ABCD3: variants seen among roughly 807,000 people sequenced by gnomAD.
ABCD3 encodes the protein ATP binding cassette subfamily D member 3, also known as ATP-binding cassette sub-family D member 3.
Under a neutral mutation model 105.5 loss-of-function variants are expected in ABCD3, and 41 were observed. The observed-to-expected ratio is 0.39, with a 90% CI of 0.30 to 0.50. The LOEUF is 0.50. Ranked by LOEUF, ABCD3 falls within the 20% of genes least tolerant of loss-of-function variation. The pLI, the probability that ABCD3 is intolerant of heterozygous loss-of-function variation, is 0.84. For synonymous variants in ABCD3, 258 were observed against 269.0 expected (o/e 0.96, Z 0.40); for missense variants, 622 against 806.3 (o/e 0.77, Z 2.77).
chr1:94,449,148 A>G lies in ABCD3; in HGVS notation c.111-9459A>G, dbSNP rs183009174. Reference sequence around the variant, plus strand: ...CGAATCAACAGCTGATTTGGATACCATTAAGACACCTGAAACCTTATTATG... The same window carrying G: ...CGAATCAACAGCTGATTTGGATACCGTTAAGACACCTGAAACCTTATTATG... On this transcript the variant is annotated intron_variant, in intron 1 of 22. Coordinates refer to ENST00000370214, the MANE Select transcript of ABCD3 (RefSeq NM_002858.4). 8.7e-4 allele frequency among the ~76,000 whole-genome samples: 132 copies of G among 152,366 alleles called. No homozygotes were observed. In the Middle Eastern group the frequency reaches 0.01, roughly 12 times the overall value.
chr1:94,487,772 C>A lies in ABCD3; in HGVS notation c.1046C>A (p.Thr349Lys). 1 of 1,613,890 alleles carries A rather than the reference C, an allele frequency of 6.2e-7. No homozygotes were observed. The change falls in exon 12 of 23, where the codon ACA becomes AAA. Residue 349 changes from threonine to lysine, a missense_variant. Coordinates refer to ENST00000370214, the MANE Select transcript of ABCD3 (RefSeq NM_002858.4). ...DLSHPRHLKS[T>K]HSELLEDYYQ... ...TCTCATCCTCGACATCTCAAGAGTA[C>A]ACATTCGGAACTTCTAGAGGTAAAC...
chr1:94,451,917 A>C (rs1182427964), intron 1 of ABCD3, among the ~76,000 whole-genome samples: 1 of 152,086 alleles, frequency 6.6e-6, no homozygotes, highest in Non-Finnish European at 1.5e-5. Flanking sequence ...TCTCATTTCC[A>C]TATGCAGTTA....
intron 1 of ABCD3, among the ~76,000 whole-genome samples, chr1:94,437,420 T>C (rs572282596): frequency 4.9e-4 from 75 of 152,346 alleles, no homozygotes; most frequent in Middle Eastern, 3.4e-3. Context: ...TTACTCTGCC[T>C]ACATGTAAAT....
At chr1:94,406,951 C>T in the ABCD3 span, 1 of 152,296 alleles carries the variant, frequency 6.6e-6, no homozygotes, top group Non-Finnish European at 1.5e-5. Flanking sequence ...TCTAGTGGGG[C>T]TATAACCTGC....
rs1018733181 is a variant in ABCD3 at position 94,438,160 on chromosome 1, G to A, written c.110+19572G>A. On this transcript the variant is annotated intron_variant, in intron 1 of 22. Transcript: ENST00000370214. Reference sequence around the variant, plus strand: ...AAATTAGCCGGGTGTGGTGGCATGCGCCTGTAGTCCCAGCTACTTGGGAGG... The same window carrying A: ...AAATTAGCCGGGTGTGGTGGCATGCACCTGTAGTCCCAGCTACTTGGGAGG... 5.3e-5 allele frequency among the ~76,000 whole-genome samples: 8 copies of A among 151,882 alleles called. No homozygotes were observed. In the South Asian group the frequency reaches 1.2e-3, roughly 24 times the overall value.
intron 21 of ABCD3, among the ~76,000 whole-genome samples, chr1:94,510,018 T>C (rs1447580072): frequency 6.6e-6 from 1 of 152,192 alleles, no homozygotes; most frequent in African/African-American, 2.4e-5. Flanking sequence ...TAGTTATTTC[T>C]TGCCTTCTGC....
At chr1:94,392,132 T>C in the ABCD3 span, among the ~76,000 whole-genome samples, 629 of 152,366 alleles carry the variant, frequency 4.1e-3, 1 homozygote, top group African/African-American at 0.014. Flanking sequence ...TAATGCTATT[T>C]AAAAACATTT....
intron 15 of ABCD3, 62 bp downstream of exon 15, chr1:94,490,037 C>G: frequency 7.0e-7 from 1 of 1,436,196 alleles, no homozygotes; most frequent in Non-Finnish European, 9.8e-7. Flanking sequence ...AGTAGTCTTT[C>G]TTTTTCAGCT....
At chr1:94,515,272 T>C (rs1557695544) in intron 22 of ABCD3, 70 bp downstream of exon 22, 2 of 1,289,356 alleles carry the variant, frequency 1.6e-6, no homozygotes, top group South Asian at 1.2e-5. Flanking sequence ...CAGGTTAATA[T>C]GGTTTTAGAT....
At chr1:94,485,719 G>C (rs1374160794) in intron 10 of ABCD3, among the ~76,000 whole-genome samples, 1 of 152,138 alleles carries the variant, frequency 6.6e-6, no homozygotes, top group African/African-American at 2.4e-5. Flanking sequence ...CTCTGCATCT[G>C]TGGGTTCCAA....
At position 94,499,021 on chromosome 1, in the gene ABCD3, G is replaced by C; in HGVS notation, c.1607G>C (p.Gly536Ala). Reference sequence around the variant, plus strand: ...GGACGAGAAGATCAGAAAAGGAAGGGAATTTCTGACCTAGTAAGGGAATGT... The same window carrying C: ...GGACGAGAAGATCAGAAAAGGAAGGCAATTTCTGACCTAGTAAGGGAATGT... ...PDGREDQKRK[G>A]ISDLVLKEYL... is the part of the protein sequence containing the mutation. Residue 536 changes from glycine (G) to alanine (A), a missense_variant, in exon 19 of 23, where the codon GGA becomes GCA. By Grantham distance (60) the Gly-to-Ala change is moderately conservative (BLOSUM62 0). Coordinates refer to ENST00000370214, the MANE Select transcript of ABCD3 (RefSeq NM_002858.4). 4 of 1,613,218 alleles carry C rather than the reference G, an allele frequency of 2.5e-6. No individual in the cohort carries two copies. The highest frequency in any genetic ancestry group is 2.2e-5 in the East Asian group (1 of 44,828).
At chr1:94,433,678 G>C (rs1030904521) in intron 1 of ABCD3, among the ~76,000 whole-genome samples, 2 of 146,750 alleles carry the variant, frequency 1.4e-5, no homozygotes, top group East Asian at 2.0e-4. Context: ...ACAGTGTCTG[G>C]ATCTGTCGCC....
In ABCD3 at chr1:94,517,147, T is replaced by C. The variant is rs1156584995; in HGVS notation, c.*18T>C. 1 of 1,549,102 alleles carries C rather than the reference T, an allele frequency of 6.5e-7. No homozygotes were observed. The highest frequency in any genetic ancestry group is 1.4e-5 in the African/African-American group (1 of 73,326). ...GCTCTTAGAGAAATCTGGAGAACTA[T>C]ACCTGCTTCAGTGAAATAATTACAG... is the stretch of plus-strand genomic sequence containing the variant. On this transcript the variant is annotated 3_prime_UTR_variant, in exon 23 of 23. Coordinates refer to ENST00000370214, the MANE Select transcript of ABCD3 (RefSeq NM_002858.4).
At chr1:94,424,596 T>C (rs559740001) in intron 1 of ABCD3, among the ~76,000 whole-genome samples, 1 of 152,140 alleles carries the variant, frequency 6.6e-6, no homozygotes, top group East Asian at 1.9e-4. Flanking sequence ...CTAATATTTT[T>C]TGTAGAGACA....
At chr1:94,458,382 G>A (rs531973852) in intron 1 of ABCD3, among the ~76,000 whole-genome samples, 15 of 152,180 alleles carry the variant, frequency 9.9e-5, no homozygotes, top group Non-Finnish European at 1.9e-4. Flanking sequence ...CAAACAGAAT[G>A]TCTGTTACAT....
chr1:94,461,253 G>A (rs367773634), intron 2 of ABCD3, among the ~76,000 whole-genome samples: 7 of 151,964 alleles, frequency 4.6e-5, no homozygotes, highest in Non-Finnish European at 1.0e-4. Context: ...GCAACTTAAC[G>A]TATTTTTTTG....
intron 5 of ABCD3, 49 bp downstream of exon 5, chr1:94,473,884 T>C: frequency 7.0e-7 from 1 of 1,434,400 alleles, no homozygotes; most frequent in Non-Finnish European, 9.8e-7. Context: ...ATTTGCATCT[T>C]ATTAAAATCT....
chr1:94,441,302 C>T (rs1261232859), intron 1 of ABCD3, among the ~76,000 whole-genome samples: 1 of 152,126 alleles, frequency 6.6e-6, no homozygotes, highest in African/African-American at 2.4e-5. Context: ...TTAATCTATA[C>T]TAAGATACTG....
At chr1:94,469,663 C>CTTTTTTTTTTTT (rs5776221) in intron 4 of ABCD3, among the ~76,000 whole-genome samples, 1 of 70,080 alleles carries the variant, frequency 1.4e-5, no homozygotes. Context: ...GTGTTCTTGC[C>CTTTTTTTTTTTT]TTTTTTTTTT....
Sources: gnomAD v4.1 joint callset for allele counts (sites outside exome capture counted in the v4.1 genomes callset) on GRCh38, gnomAD v4.1.1 for gene constraint, MANE v1.5 for transcripts, NCBI Gene and HGNC (gene_info 2026-07-23, HGNC 2026-07-21) for gene names.